The following MBD5 variants were observed in gnomAD, a reference collection of about 807,000 sequenced individuals.
MBD5 encodes the protein methyl-CpG binding domain protein 5, also known as methyl-CpG-binding domain protein 5.
MBD5 carries 13 observed loss-of-function variants against 117.3 expected under a neutral mutation model. The ratio of observed to expected loss-of-function variants is 0.11; its 90% confidence interval spans 0.07 to 0.18. The LOEUF (loss-of-function observed/expected upper bound fraction) is 0.18, where lower values mean the gene tolerates loss of function less well. Among genes scored for constraint, MBD5 ranks in the 10% least tolerant of loss-of-function variants. The pLI is 1.00. For missense variants in MBD5, 1,879 were observed against 2,093.8 expected (o/e 0.90, Z 2.00); for synonymous variants, 727 against 766.4 (o/e 0.95, Z 0.85).
At chr2:148,130,530 C>G (rs758942008) in intron 1 of MBD5, among the ~76,000 whole-genome samples, 1 of 148,020 alleles carries the variant, frequency 6.8e-6, no homozygotes, top group Non-Finnish European at 1.5e-5. Flanking sequence ...ATTGGATGGT[C>G]TAACAAAATA....
chr2:148,098,685 A>G (rs187225955), intron 1 of MBD5, among the ~76,000 whole-genome samples: 1 of 152,248 alleles, frequency 6.6e-6, no homozygotes, highest in Non-Finnish European at 1.5e-5. Flanking sequence ...AAGGTATTCT[A>G]CTGTTTCAGA....
chr2:148,411,512 C>CTTTTTTTTTTTTTTTTTTTTTTTTTTTT (rs1188326755), intron 4 of MBD5, among the ~76,000 whole-genome samples: 1 of 97,450 alleles, frequency 1.0e-5, no homozygotes, highest in Non-Finnish European at 1.9e-5. Context: ...AGCATCTGTT[C>CTTTTTTTTTTTTTTTTTTTTTTTTTTTT]TTTTTTTTTT....
intron 3 of MBD5, among the ~76,000 whole-genome samples, chr2:148,307,663 T>G (rs1308006101): frequency 6.6e-6 from 1 of 152,196 alleles, no homozygotes; most frequent in Admixed American, 6.5e-5. Context: ...TTATTATACT[T>G]TAAGTTCTGG....
intron 3 of MBD5, chr2:148,260,525 G>C (rs1474211234): frequency 6.0e-6 from 1 of 166,530 alleles, no homozygotes; most frequent in South Asian, 1.5e-4. Flanking sequence ...TGTTAATGTT[G>C]ATATTTTGAC....
At chr2:148,403,329 A>T (rs1704980481) in intron 4 of MBD5, among the ~76,000 whole-genome samples, 1 of 151,962 alleles carries the variant, frequency 6.6e-6, no homozygotes, top group South Asian at 2.1e-4. Context: ...ACAGGCACGC[A>T]CCACCACACT....
intron 3 of MBD5, chr2:148,295,869 A>G (rs1701634725): frequency 6.1e-6 from 1 of 164,716 alleles, no homozygotes; most frequent in African/African-American, 2.4e-5. Context: ...AGTGAATTTA[A>G]TCCATATATT....
In MBD5 at chr2:148,420,734, GTTTT is replaced by G. The variant is rs1705577318; in HGVS notation, c.-556-37468_-556-37465del. ...GTTTTGTTTTGTTTTGTTTTGTTTT[GTTTT>G]GTTTTGTGACAAGGTCTCACTCTGT... is the stretch of plus-strand genomic sequence containing the variant. On this transcript the variant is annotated intron_variant, in intron 4 of 13. Coordinates refer to ENST00000642680, the MANE Select transcript of MBD5 (RefSeq NM_001378120.1). Among the ~76,000 whole-genome samples, 15 of 150,844 alleles carry G rather than the reference GTTTT, an allele frequency of 9.9e-5. No homozygotes were observed. In the South Asian group the frequency reaches 3.1e-3, roughly 31 times the overall value.
At chr2:148,226,220 G>A (rs1187164041) in intron 2 of MBD5, among the ~76,000 whole-genome samples, 1 of 151,754 alleles carries the variant, frequency 6.6e-6, no homozygotes, top group East Asian at 1.9e-4. Flanking sequence ...CCATTAACTT[G>A]TCATTTAGCA....
intron 4 of MBD5, among the ~76,000 whole-genome samples, chr2:148,363,296 A>C (rs1182027539): frequency 1.3e-5 from 2 of 152,096 alleles, no homozygotes; most frequent in Non-Finnish European, 2.9e-5. Context: ...GCAGTGGCGC[A>C]ATCTTGGCTC....
intron 1 of MBD5, among the ~76,000 whole-genome samples, chr2:148,045,443 C>T (rs115649216): frequency 6.6e-4 from 100 of 152,156 alleles, no homozygotes; most frequent in South Asian, 2.9e-3. Context: ...TCCTCTCTTA[C>T]GAAGAACACA....
intron 3 of MBD5, among the ~76,000 whole-genome samples, chr2:148,323,150 C>T (rs1702335767): frequency 6.6e-6 from 1 of 151,868 alleles, no homozygotes; most frequent in Admixed American, 6.6e-5. Context: ...CCAATTTCAT[C>T]CATGTCCCTA....
At chr2:148,252,048 C>T (rs918235869) in intron 3 of MBD5, among the ~76,000 whole-genome samples, 5 of 152,098 alleles carry the variant, frequency 3.3e-5, no homozygotes, top group African/African-American at 1.2e-4. Flanking sequence ...TTGTTGGCTG[C>T]CACAGTGATT....
At chr2:148,253,942 A>G (rs1574198613) in intron 3 of MBD5, among the ~76,000 whole-genome samples, 1 of 152,098 alleles carries the variant, frequency 6.6e-6, no homozygotes, top group Non-Finnish European at 1.5e-5. Context: ...CTGGAAGTCT[A>G]CCCCAGCCTA....
At position 148,370,892 on chromosome 2, in the gene MBD5, GT is replaced by G. The variant is rs536204306; in HGVS notation, c.-557+28557del. 1.7e-4 allele frequency among the ~76,000 whole-genome samples: 26 copies of G among 152,180 alleles called. No homozygotes were observed. The East Asian group carries it at 4.8e-3, about 28-fold the overall frequency. ...CTGCTTTAATTTTTTTAATCTAAGA[GT>G]CCAAACCAAAGCAAGAATATAGATG... On this transcript the variant is annotated intron_variant, in intron 4 of 13. Transcript: ENST00000642680.
chr2:148,170,101 T>G (rs994691315), intron 1 of MBD5, among the ~76,000 whole-genome samples: 6 of 152,074 alleles, frequency 3.9e-5, no homozygotes, highest in South Asian at 2.1e-4. Flanking sequence ...GTTTCACCGT[T>G]TTAGCCAGGA....
At chr2:148,262,368 A>G (rs1019170117) in intron 3 of MBD5, among the ~76,000 whole-genome samples, 2 of 152,122 alleles carry the variant, frequency 1.3e-5, no homozygotes, top group African/African-American at 4.8e-5. Flanking sequence ...AAATTATGTC[A>G]TACGTATTAT....
chr2:148,265,766 G>T (rs867185919), intron 3 of MBD5, among the ~76,000 whole-genome samples: 1 of 152,174 alleles, frequency 6.6e-6, no homozygotes, highest in South Asian at 2.1e-4. Context: ...TGAAAAGTAG[G>T]ATTTCATTTC....
intron 12 of MBD5, among the ~76,000 whole-genome samples, chr2:148,508,573 C>T (rs965004731): frequency 2.0e-5 from 3 of 151,816 alleles, no homozygotes; most frequent in African/African-American, 7.3e-5. Flanking sequence ...TTCCTTCCAG[C>T]GGGGGAATAT....
chr2:148,160,506 G>A (rs867994251), intron 1 of MBD5, among the ~76,000 whole-genome samples: 3 of 152,102 alleles, frequency 2.0e-5, no homozygotes, highest in South Asian at 2.1e-4. Flanking sequence ...TGGCCATTAT[G>A]TGCTATAAAG....
Sources: gnomAD v4.1 joint callset for allele counts (sites outside exome capture counted in the v4.1 genomes callset) on GRCh38, gnomAD v4.1.1 for gene constraint, MANE v1.5 for transcripts, NCBI Gene and HGNC (gene_info 2026-07-23, HGNC 2026-07-21) for gene names.